RNASET2: variants seen among roughly 807,000 people sequenced by gnomAD.
RNASET2 encodes the protein ribonuclease T2.
RNASET2 carries 28 observed loss-of-function variants against 33.9 expected under a neutral mutation model. The observed-to-expected ratio is 0.83, with a 90% confidence interval of 0.61 to 1.13. RNASET2 has a LOEUF of 1.13. Ranked by LOEUF, RNASET2 falls within the 50% of genes most tolerant of loss-of-function variation. The probability of loss-of-function intolerance (pLI) is 0.00; values close to 1 mark genes in which losing one functional copy is unlikely to be tolerated. For synonymous variants in RNASET2, 123 were observed against 121.0 expected (o/e 1.02, Z -0.11); for missense variants, 330 against 319.9 (o/e 1.03, Z -0.24).
At chr6:166,938,675 C>T in intron 6 of RNASET2, 1 of 758,080 alleles carries the variant, frequency 1.3e-6, no homozygotes, top group Non-Finnish European at 2.5e-6. Flanking sequence ...CATCCCAATA[C>T]TCTGCACCCA....
chr6:166,949,382 T>A (rs1005019862), intron 2 of RNASET2, among the ~76,000 whole-genome samples: 2 of 150,472 alleles, frequency 1.3e-5, no homozygotes, highest in African/African-American at 4.9e-5. Flanking sequence ...GCTCCTACAG[T>A]TCCAGCTCCT....
At chr6:166,946,519 G>A (rs1778849418) in intron 4 of RNASET2, 163 bp downstream of exon 4, 2 of 647,570 alleles carry the variant, frequency 3.1e-6, no homozygotes, top group Non-Finnish European at 5.6e-6. Context: ...GTAATTTGTG[G>A]GGTCGAGATA....
intron 4 of RNASET2, chr6:166,943,583 C>A: frequency 3.0e-6 from 1 of 335,272 alleles, no homozygotes; most frequent in Non-Finnish European, 5.8e-6. Flanking sequence ...GGGTTTAGGG[C>A]CAGCGGCTGC....
chr6:166,955,896 T>C (rs1490365134), intron 1 of RNASET2: 11 of 615,498 alleles, frequency 1.8e-5, no homozygotes, highest in Non-Finnish European at 2.2e-5. Context: ...ACCCACTCCC[T>C]CCAGGGGTCA....
rs548374617 is a variant in RNASET2, at chr6:166,927,822, G to A, written c.*1766C>T. On this transcript the variant is annotated 3_prime_UTR_variant, in exon 9 of 9. Transcript: ENST00000508775. ...CCCTGAGGACGCAGAGCAAATGCAG[G>A]AAATCACGCCCTTCCAGGTGCAAAA... 2.7e-4 allele frequency among the ~76,000 whole-genome samples: 41 copies of A among 151,756 alleles called. 1 individual carries two copies. The South Asian group carries it at 7.9e-3, about 29-fold the overall frequency.
intron 8 of RNASET2, among the ~76,000 whole-genome samples, chr6:166,930,571 A>G (rs1288883763): frequency 6.9e-6 from 1 of 145,894 alleles, no homozygotes; most frequent in Non-Finnish European, 1.5e-5. Flanking sequence ...GAGAACATGC[A>G]CACACATGCA....
chr6:166,932,368 C>T (rs1294684183), intron 7 of RNASET2: 2 of 152,708 alleles, frequency 1.3e-5, no homozygotes, highest in African/African-American at 4.8e-5. Flanking sequence ...GTCTATGGCT[C>T]CCACCCGGCC....
rs187169749 is a variant in RNASET2 at position 166,942,094 on chromosome 6, C to T, written c.332+925G>A. Among the ~76,000 whole-genome samples the T allele has an allele frequency of 2.3e-3, 321 of 139,644 alleles. 1 individual carries two copies. Among genetic ancestry groups the T allele is most frequent in the South Asian group, 0.013 (54 of 4,140 alleles). The allele number at this position is 139,644 out of a possible 152,430, so 91.6% of individuals were successfully genotyped here. A position where few individuals can be genotyped will look rare whatever the true frequency, so the allele number is the denominator to read the frequency against. On this transcript the variant is annotated intron_variant, in intron 5 of 8. Transcript: ENST00000508775. ...TTGAGATGGAATCTTGCCCTGTTGC[C>T]CGGGCTGGAGTACAGTGGTGCAATC...
chr6:166,943,236 T>C (rs1282404407), intron 4 of RNASET2, 147 bp from the exon 5 acceptor site: 1 of 634,910 alleles, frequency 1.6e-6, no homozygotes, highest in Admixed American at 2.4e-5. Context: ...ATGCTTATTT[T>C]GTATGAAGTG....
chr6:166,928,066 A>G lies in RNASET2; in HGVS notation c.*1522T>C, dbSNP rs1376244605. On this transcript the variant is annotated 3_prime_UTR_variant, in exon 9 of 9. Transcript: ENST00000508775. ...GAGGGCTCAGCTCCTCCATTACAGA[A>G]GAGACAAAATACAGGGACTGCTTCC... 6.6e-6 allele frequency among the ~76,000 whole-genome samples: 1 copy of G among 152,218 alleles called. No homozygotes were observed. Among genetic ancestry groups the G allele is most frequent in the East Asian group, 1.9e-4 (1 of 5,202 alleles).
At chr6:166,930,812 AC>A (rs1167994754) in intron 8 of RNASET2, among the ~76,000 whole-genome samples, 1 of 150,806 alleles carries the variant, frequency 6.6e-6, no homozygotes, top group Non-Finnish European at 1.5e-5. Flanking sequence ...ATGTACACAC[AC>A]ATGCACACAT....
Position 166,946,720 on chromosome 6 carries a change from A to G in RNASET2, c.223T>C (p.Cys75Arg). The G allele has an allele frequency of 6.4e-7, 1 of 1,569,020 alleles. No homozygotes were observed. Among genetic ancestry groups the G allele is most frequent in the Non-Finnish European group, 8.7e-7 (1 of 1,149,074 alleles). The change falls in exon 4 of 9, where the codon TGT (cysteine) becomes CGT (arginine). Residue 75 changes from cysteine (C) to arginine (R), a missense_variant. Coordinates refer to ENST00000508775, the MANE Select transcript of RNASET2 (RefSeq NM_003730.6). ...AAATTGAAGGGCCACGATCTATTAC[A>G]TCCTTCACTTTTATCGGGCCTGGAA... ...HGLWPDKSEG[C>R]NRSWPFNLEE... is the part of the protein sequence containing the mutation.
At chr6:166,930,762 GACATGCACAC>G (rs1283493179) in intron 8 of RNASET2, among the ~76,000 whole-genome samples, 18 of 137,182 alleles carry the variant, frequency 1.3e-4, no homozygotes, top group Admixed American at 6.1e-4. Context: ...GCACACACAG[GACATGCACAC>G]ACATGCACAC....
In RNASET2 at chr6:166,923,383, C is replaced by A. The variant is rs1778262032; in HGVS notation, c.*6205G>T. Reference sequence around the variant, plus strand: ...GGATTGCAGACACCCGCCACCACACCCAGCTAATGTATTTTTAGTAGAGAT... The same window carrying A: ...GGATTGCAGACACCCGCCACCACACACAGCTAATGTATTTTTAGTAGAGAT... On this transcript the variant is annotated 3_prime_UTR_variant, in exon 9 of 9. Transcript: ENST00000508775. Among the ~76,000 whole-genome samples the A allele has an allele frequency of 6.6e-6, 1 of 151,984 alleles. No individual in the cohort carries two copies. The highest frequency in any genetic ancestry group is 2.4e-5 in the African/African-American group (1 of 41,338).
chr6:166,956,502 C>T lies in RNASET2; in HGVS notation c.-320G>A. 2 of 424,052 alleles carry T rather than the reference C, an allele frequency of 4.7e-6. No individual in the cohort carries two copies. The highest frequency in any genetic ancestry group is 4.9e-5 in the South Asian group (2 of 40,504). The allele number at this position is 424,052 out of a possible 1,614,324, so 26.3% of individuals were successfully genotyped here. On this transcript the variant is annotated 5_prime_UTR_variant, in exon 1 of 9. Coordinates refer to ENST00000508775, the MANE Select transcript of RNASET2 (RefSeq NM_003730.6). Reference sequence around the variant, plus strand: ...GCGACCCACAGCGACCCCAGCTCCTCCACGCTGCAGCCGCCGTCCGCCCAC... The same window carrying T: ...GCGACCCACAGCGACCCCAGCTCCTTCACGCTGCAGCCGCCGTCCGCCCAC...
chr6:166,924,883 G>A lies in RNASET2; in HGVS notation c.*4705C>T, dbSNP rs1004979279. On this transcript the variant is annotated 3_prime_UTR_variant, in exon 9 of 9. Coordinates refer to ENST00000508775, the MANE Select transcript of RNASET2 (RefSeq NM_003730.6). ...GATCCCTGCTTATGGCCATGTCCCA[G>A]TGCCTAGAAGAGAGGCGGCTCATAG... is the stretch of plus-strand genomic sequence containing the variant. Among the ~76,000 whole-genome samples the A allele has an allele frequency of 1.3e-5, 2 of 152,230 alleles. No homozygotes were observed. Among genetic ancestry groups the A allele is most frequent in the Non-Finnish European group, 2.9e-5 (2 of 68,046 alleles).
chr6:166,925,130 T>A lies in RNASET2; in HGVS notation c.*4458A>T, dbSNP rs1384152727. ...GGAACAGCACAGCCCTCACCTCTGC[T>A]GCCCAGGCCTCATCTACGCCATCCA... On this transcript the variant is annotated 3_prime_UTR_variant, in exon 9 of 9. Transcript: ENST00000508775. Among the ~76,000 whole-genome samples the A allele has an allele frequency of 7.6e-6, 1 of 131,050 alleles. No homozygotes were observed. Among genetic ancestry groups the A allele is most frequent in the Non-Finnish European group, 1.6e-5 (1 of 61,936 alleles). 86.0% of individuals were successfully genotyped at this position (131,050 alleles called of 152,430 possible).
chr6:166,947,772 C>T (rs1053515636), intron 3 of RNASET2, among the ~76,000 whole-genome samples: 7 of 152,130 alleles, frequency 4.6e-5, no homozygotes, highest in South Asian at 2.1e-4. Flanking sequence ...TTTTCAATCC[C>T]GGCATCGAGG....
intron 1 of RNASET2, chr6:166,955,477 G>A: frequency 1.0e-6 from 1 of 986,772 alleles, no homozygotes. Context: ...TCAAAAAGAG[G>A]AAGAACCGTC....
Sources: allele counts gnomAD v4.1 joint callset (sites outside exome capture counted in the v4.1 genomes callset), GRCh38; gene constraint gnomAD v4.1.1; transcripts MANE v1.5; gene names NCBI Gene and HGNC (gene_info 2026-07-23, HGNC 2026-07-21).